LDLRAD4: variants seen among roughly 807,000 people sequenced by gnomAD.
LDLRAD4 encodes low density lipoprotein receptor class A domain containing 4, also known as low-density lipoprotein receptor class A domain-containing protein 4.
A neutral mutation model predicts 17.0 loss-of-function variants in LDLRAD4; 5 were observed. That is an observed-to-expected ratio of 0.29 (90% CI 0.15 to 0.62). The LOEUF (loss-of-function observed/expected upper bound fraction) is 0.62, where lower values mean the gene tolerates loss of function less well. Among genes scored for constraint, LDLRAD4 ranks in the 20% least tolerant of loss-of-function variants. The pLI is 0.84. For missense variants in LDLRAD4, 340 were observed against 424.7 expected, an observed-to-expected ratio of 0.80 and a Z score of 1.75; for synonymous variants, 168 against 171.8, an observed-to-expected ratio of 0.98 and a Z score of 0.17.
intron 3 of LDLRAD4, among the ~76,000 whole-genome samples, chr18:13,544,516 G>T (rs1235838829): frequency 6.6e-6 from 1 of 152,218 alleles, no homozygotes. Context: ...CCATCAGTCG[G>T]CCCAGGACTG....
chr18:13,568,715 C>A (rs2094641212), intron 3 of LDLRAD4, among the ~76,000 whole-genome samples: 2 of 152,148 alleles, frequency 1.3e-5, no homozygotes, highest in African/African-American at 4.8e-5. Flanking sequence ...GGACCTGTGG[C>A]CTTCGTTATA....
At chr18:13,228,309 C>T (rs1174769631) in intron 1 of LDLRAD4, among the ~76,000 whole-genome samples, 4 of 152,140 alleles carry the variant, frequency 2.6e-5, no homozygotes, top group East Asian at 1.9e-4. Flanking sequence ...CAGTCCTTGG[C>T]GGTTCTCCAT....
At chr18:13,357,960 A>G (rs866036165) in intron 1 of LDLRAD4, among the ~76,000 whole-genome samples, 4 of 152,140 alleles carry the variant, frequency 2.6e-5, no homozygotes, top group Non-Finnish European at 5.9e-5. Flanking sequence ...TGAAGTTCAA[A>G]CTATCCTATC....
intron 1 of LDLRAD4, among the ~76,000 whole-genome samples, chr18:13,293,247 G>A (rs67133687): frequency 0.16 from 25,108 of 152,200 alleles, 2,234 homozygotes; most frequent in Middle Eastern, 0.29. Context: ...TCCTGGGTGG[G>A]GTAAAAGGAG....
At chr18:13,310,126 C>T (rs1258522224) in intron 1 of LDLRAD4, among the ~76,000 whole-genome samples, 1 of 149,518 alleles carries the variant, frequency 6.7e-6, no homozygotes, top group Non-Finnish European at 1.5e-5. Context: ...GATCGGATTG[C>T]TTGAGGCTAG....
chr18:13,548,302 A>T (rs967451365), intron 3 of LDLRAD4, among the ~76,000 whole-genome samples: 3 of 152,096 alleles, frequency 2.0e-5, no homozygotes, highest in Admixed American at 1.3e-4. Flanking sequence ...GTCACCAGGG[A>T]CCTGCCCCTT....
chr18:13,304,900 C>T (rs191852293), intron 1 of LDLRAD4, among the ~76,000 whole-genome samples: 6 of 152,294 alleles, frequency 3.9e-5, no homozygotes, highest in East Asian at 3.9e-4. Context: ...AGCCTGCATG[C>T]GTCAGCCTGC....
chr18:13,500,925 A>G (rs1312087134), intron 3 of LDLRAD4: 1 of 152,148 alleles, frequency 6.6e-6, no homozygotes, highest in Admixed American at 6.5e-5. Flanking sequence ...ATTATTCTAC[A>G]TTTTCAAATA....
intron 3 of LDLRAD4, chr18:13,486,666 G>C (rs1364166441): frequency 6.6e-6 from 1 of 152,164 alleles, no homozygotes; most frequent in African/African-American, 2.4e-5. Context: ...AATCTTTGTT[G>C]ACTTGATATA....
intron 1 of LDLRAD4, among the ~76,000 whole-genome samples, chr18:13,301,087 G>C (rs2123850): frequency 4.8e-4 from 43 of 89,388 alleles, no homozygotes; most frequent in Non-Finnish European, 8.4e-4. Context: ...TCCGTGGTTG[G>C]GGGGGTACAG....
chr18:13,601,472 C>G (rs1367740810), intron 3 of LDLRAD4, among the ~76,000 whole-genome samples: 1 of 151,974 alleles, frequency 6.6e-6, no homozygotes, highest in African/African-American at 2.4e-5. Context: ...CAAAAAATAA[C>G]AGATATTGAC....
At chr18:13,241,538 G>A (rs76407116) in intron 1 of LDLRAD4, 3,651 of 152,548 alleles carry the variant, frequency 0.024, 151 homozygotes, top group African/African-American at 0.085. Flanking sequence ...TGGTAGGACT[G>A]AGGGCGTGCC....
intron 3 of LDLRAD4, among the ~76,000 whole-genome samples, chr18:13,577,378 G>A (rs2094790127): frequency 6.6e-6 from 1 of 152,172 alleles, no homozygotes; most frequent in Non-Finnish European, 1.5e-5. Context: ...GTCTCCAAGC[G>A]CGGCTGTGTT....
intron 3 of LDLRAD4, among the ~76,000 whole-genome samples, chr18:13,507,103 T>A (rs553781910): frequency 4.7e-4 from 71 of 152,330 alleles, no homozygotes; most frequent in Non-Finnish European, 8.4e-4. Context: ...ATTTTCAACT[T>A]CTTATTATAT....
intron 1 of LDLRAD4, among the ~76,000 whole-genome samples, chr18:13,313,146 C>G (rs1183025410): frequency 1.3e-5 from 2 of 152,178 alleles, no homozygotes; most frequent in African/African-American, 4.8e-5. Context: ...CTAGAAGGAT[C>G]TGTTATTTGT....
intron 3 of LDLRAD4, chr18:13,491,098 T>C (rs1447686523): frequency 6.6e-6 from 1 of 152,216 alleles, no homozygotes; most frequent in Non-Finnish European, 1.5e-5. Flanking sequence ...CCCACCCTCA[T>C]GGGAAAGGCC....
At chr18:13,395,075 G>A (rs1251247336) in intron 2 of LDLRAD4, among the ~76,000 whole-genome samples, 1 of 152,152 alleles carries the variant, frequency 6.6e-6, no homozygotes, top group South Asian at 2.1e-4. Flanking sequence ...GCCTGCCCCG[G>A]TCACGCCCCA....
intron 1 of LDLRAD4, among the ~76,000 whole-genome samples, chr18:13,284,096 A>G (rs7235032): frequency 0.036 from 5,498 of 152,294 alleles, 327 homozygotes; most frequent in African/African-American, 0.13. Context: ...TTTGGGTGGC[A>G]ACACAGCCAA....
chr18:13,279,357 C>T (rs755665005), intron 1 of LDLRAD4: 15 of 152,352 alleles, frequency 9.8e-5, no homozygotes, highest in South Asian at 2.1e-4. Flanking sequence ...GCACACCCAC[C>T]GCCAGTTTGA....
Sources: allele counts gnomAD v4.1 joint callset (sites outside exome capture counted in the v4.1 genomes callset), GRCh38; gene constraint gnomAD v4.1.1; transcripts MANE v1.5; gene names NCBI Gene and HGNC (gene_info 2026-07-23, HGNC 2026-07-21).